SGCD: variants seen among roughly 807,000 people sequenced by gnomAD.
SGCD encodes sarcoglycan delta.
Under a neutral mutation model 36.6 loss-of-function variants are expected in SGCD, and 18 were observed. That is an observed-to-expected ratio of 0.49 (90% CI 0.34 to 0.73). SGCD has a LOEUF of 0.73. Among genes scored for constraint, SGCD ranks in the 30% least tolerant of loss-of-function variants. The probability of loss-of-function intolerance (pLI) is 0.01; values close to 1 mark genes in which losing one functional copy is unlikely to be tolerated. For missense variants in SGCD, 387 were observed against 346.7 expected (o/e 1.12, Z -0.92); for synonymous variants, 133 against 130.6 (o/e 1.02, Z -0.12).
chr5:156,682,373 A>C (rs2113685568), intron 7 of SGCD, among the ~76,000 whole-genome samples: 1 of 152,350 alleles, frequency 6.6e-6, no homozygotes, highest in Non-Finnish European at 1.5e-5. Context: ...GGAAGGCATG[A>C]GCAGAAGTGT....
chr5:155,977,838 A>G (rs1229704953), intron 1 of SGCD, among the ~76,000 whole-genome samples: 1 of 152,146 alleles, frequency 6.6e-6, no homozygotes. Flanking sequence ...GCTCATGCCC[A>G]TAATCTCAGT....
At chr5:156,714,326 T>C (rs157353) in intron 7 of SGCD, among the ~76,000 whole-genome samples, 12,386 of 152,290 alleles carry the variant, frequency 0.081, 680 homozygotes, top group Non-Finnish European at 0.12. Flanking sequence ...GATTTTGCTG[T>C]TTAAAATGGC....
chr5:156,505,143 C>T (rs1371222086), intron 3 of SGCD, among the ~76,000 whole-genome samples: 2 of 152,168 alleles, frequency 1.3e-5, no homozygotes, highest in Non-Finnish European at 2.9e-5. Flanking sequence ...TGGGAGGGTT[C>T]GAGGTGCCTT....
At chr5:156,101,864 A>G (rs572799523) in intron 1 of SGCD, among the ~76,000 whole-genome samples, 3 of 151,486 alleles carry the variant, frequency 2.0e-5, no homozygotes, top group Non-Finnish European at 2.9e-5. Context: ...ATCAATAACT[A>G]TAAACGTATA....
At chr5:155,893,769 C>G (rs1456696849) in intron 1 of SGCD, among the ~76,000 whole-genome samples, 1 of 152,162 alleles carries the variant, frequency 6.6e-6, no homozygotes, top group African/African-American at 2.4e-5. Flanking sequence ...GAGAAATGTG[C>G]TCTTAGATAA....
chr5:155,798,254 C>G, the SGCD span, among the ~76,000 whole-genome samples: 2 of 152,306 alleles, frequency 1.3e-5, no homozygotes, highest in Non-Finnish European at 2.9e-5. Flanking sequence ...GACATAGGTT[C>G]TGGCTAATGT....
chr5:156,144,630 G>T (rs1351360197), intron 3 of SGCD, among the ~76,000 whole-genome samples: 1 of 152,188 alleles, frequency 6.6e-6, no homozygotes, highest in East Asian at 1.9e-4. Context: ...GTGGATTCTG[G>T]ATATCAGCCC....
chr5:156,429,926 T>TG (rs1165309908), intron 3 of SGCD, among the ~76,000 whole-genome samples: 18 of 152,194 alleles, frequency 1.2e-4, no homozygotes, highest in African/African-American at 4.3e-4. Flanking sequence ...GGTTACCTGA[T>TG]GCTTTTTTCT....
At chr5:156,331,225 A>G (rs1304044006) in intron 2 of SGCD, among the ~76,000 whole-genome samples, 1 of 152,150 alleles carries the variant, frequency 6.6e-6, no homozygotes, top group Non-Finnish European at 1.5e-5. Flanking sequence ...CCTTTGTTTC[A>G]CTTTTCTTGC....
intron 3 of SGCD, among the ~76,000 whole-genome samples, chr5:156,385,981 TAA>T (rs1771255271): frequency 6.6e-6 from 1 of 152,234 alleles, no homozygotes; most frequent in Non-Finnish European, 1.5e-5. Context: ...AGCATACAGT[TAA>T]AGTCAGAGAG....
chr5:156,269,952 C>T (rs1339417636), intron 3 of SGCD, among the ~76,000 whole-genome samples: 1 of 152,180 alleles, frequency 6.6e-6, no homozygotes, highest in African/African-American at 2.4e-5. Flanking sequence ...CTTGCCTGTG[C>T]CTACAACCAC....
chr5:156,504,392 GTATATATATATATATATATA>G (rs59580975), intron 3 of SGCD, among the ~76,000 whole-genome samples: 48 of 75,072 alleles, frequency 6.4e-4, no homozygotes, highest in African/African-American at 1.6e-3. Context: ...GTGTGTGTGT[GTATATATATATATATATATA>G]TATATATATA....
chr5:156,749,033 A>G (rs1269443741), intron 7 of SGCD, among the ~76,000 whole-genome samples: 4 of 152,106 alleles, frequency 2.6e-5, no homozygotes, highest in African/African-American at 9.7e-5. Context: ...CCAAAGTGCT[A>G]GGATTATAGG....
chr5:156,265,536 G>A (rs1765975844), intron 3 of SGCD, among the ~76,000 whole-genome samples: 1 of 151,708 alleles, frequency 6.6e-6, no homozygotes, highest in Non-Finnish European at 1.5e-5. Flanking sequence ...AAATATATTT[G>A]TATTTGAGCT....
chr5:156,106,276 T>G (rs954795711), intron 1 of SGCD, among the ~76,000 whole-genome samples: 2 of 152,034 alleles, frequency 1.3e-5, no homozygotes, highest in Non-Finnish European at 2.9e-5. Context: ...AATTTGCAGA[T>G]TTGAAAAGAA....
At chr5:156,029,878 C>T (rs892475663) in intron 1 of SGCD, among the ~76,000 whole-genome samples, 8 of 152,102 alleles carry the variant, frequency 5.3e-5, no homozygotes, top group Non-Finnish European at 2.9e-5. Flanking sequence ...TGGAAACTTA[C>T]AGCCTCTTTT....
intron 3 of SGCD, among the ~76,000 whole-genome samples, chr5:156,253,174 T>C (rs1765626723): frequency 6.6e-6 from 1 of 152,110 alleles, no homozygotes; most frequent in Non-Finnish European, 1.5e-5. Context: ...GAACCACAGT[T>C]GGGAACAGGA....
At chr5:156,430,521 TG>T (rs1773890931) in intron 3 of SGCD, among the ~76,000 whole-genome samples, 1 of 152,186 alleles carries the variant, frequency 6.6e-6, no homozygotes, top group Non-Finnish European at 1.5e-5. Flanking sequence ...GATCCATTGC[TG>T]GGGAGCTTGT....
At chr5:156,256,957 T>A (rs1233120134) in intron 3 of SGCD, among the ~76,000 whole-genome samples, 1 of 152,084 alleles carries the variant, frequency 6.6e-6, no homozygotes, top group African/African-American at 2.4e-5. Context: ...GCCAGGGTGA[T>A]CACTTGAGCT....
Sources: gnomAD v4.1 joint callset for allele counts (sites outside exome capture counted in the v4.1 genomes callset) on GRCh38, gnomAD v4.1.1 for gene constraint, MANE v1.5 for transcripts, NCBI Gene and HGNC (gene_info 2026-07-23, HGNC 2026-07-21) for gene names.